Variants in ABCC6 observed in about 807,000 individuals in gnomAD.
ABCC6 encodes the protein ATP binding cassette subfamily C member 6, also known as ATP-binding cassette sub-family C member 6.
Under a neutral mutation model 169.5 loss-of-function variants are expected in ABCC6, and 126 were observed. The ratio of observed to expected loss-of-function variants is 0.74; its 90% confidence interval spans 0.64 to 0.86. The LOEUF (loss-of-function observed/expected upper bound fraction) is 0.86. Among genes scored for constraint, ABCC6 ranks in the 40% least tolerant of loss-of-function variants. ABCC6 has a pLI of 0.00. For missense variants in ABCC6, 1,733 were observed against 1,927.2 expected, an observed-to-expected ratio of 0.90 and a Z score of 1.89; for synonymous variants, 752 against 814.7, an observed-to-expected ratio of 0.92 and a Z score of 1.31.
At chr16:16,183,380 C>G (rs986504716) in intron 15 of ABCC6, among the ~76,000 whole-genome samples, 3 of 152,190 alleles carry the variant, frequency 2.0e-5, no homozygotes, top group Admixed American at 6.5e-5. Flanking sequence ...TCCTCCCTCC[C>G]TCCCGCTACT....
chr16:16,152,603 A>G lies in ABCC6; in HGVS notation c.4209-1831T>C, dbSNP rs183428207. On this transcript the variant is annotated intron_variant, in intron 29 of 30. Transcript: ENST00000205557. ...TGCCACTGTTTCAACAACTTTGTGCATATAATTCAATCCTTGCAAGGTAGG... is the reference window on the plus strand; with the variant it reads ...TGCCACTGTTTCAACAACTTTGTGCGTATAATTCAATCCTTGCAAGGTAGG... Among the ~76,000 whole-genome samples, 240 of 152,086 alleles carry G rather than the reference A, an allele frequency of 1.6e-3. 1 individual carries two copies. The highest frequency in any genetic ancestry group is 2.7e-3 in the Non-Finnish European group (184 of 67,984).
intron 27 of ABCC6, among the ~76,000 whole-genome samples, chr16:16,157,436 C>T (rs1033837404): frequency 1.3e-5 from 2 of 152,240 alleles, no homozygotes; most frequent in African/African-American, 4.8e-5. Flanking sequence ...AAGGAAGTCA[C>T]GGAGTTGCTT....
rs2049021696 is a variant in ABCC6 at position 16,219,982 on chromosome 16, A to G, written c.220-35T>C. 8 of 1,525,660 alleles carry G rather than the reference A, an allele frequency of 5.2e-6. No individual in the cohort carries two copies. The East Asian group carries it at 2.0e-4, about 37-fold the overall frequency. 94.5% of individuals were successfully genotyped at this position (1,525,660 alleles called of 1,614,324 possible). On this transcript the variant is annotated intron_variant, in intron 2 of 30. Transcript: ENST00000205557. ...CAGGCTTAGATAAGCTTGGGGGGCA[A>G]TAAGAGAGGTCACAGCAAACTGGTA...
intron 21 of ABCC6, among the ~76,000 whole-genome samples, chr16:16,171,919 G>GATGGATCGATAAATGAA (rs1459866434): frequency 4.9e-5 from 1 of 20,546 alleles, no homozygotes; most frequent in African/African-American, 1.8e-4. Context: ...GGGTGGGTGG[G>GATGGATCGATAAATGAA]TGGGTGGATA....
rs140644183 is a variant in ABCC6 at position 16,155,904 on chromosome 16, C to CTTTATTTATTTATTTATTTA, written c.3883-893_3883-874dup. On this transcript the variant is annotated intron_variant, in intron 27 of 30. Transcript: ENST00000205557. ...ATGTAATACAGTGTGATGAACAATG[C>CTTTATTTATTTATTTATTTA]TTTATTTATTTATTTATTTATTTAT... is the stretch of plus-strand genomic sequence containing the variant. The CTTTATTTATTTATTTATTTA allele has an allele frequency of 1.3e-4, 20 of 151,258 alleles. No homozygotes were observed. In the South Asian group the frequency reaches 2.1e-3, roughly 16 times the overall value. 9.4% of individuals were successfully genotyped at this position (151,258 alleles called of 1,614,324 possible).
chr16:16,185,507 G>A (rs957298741), intron 14 of ABCC6, among the ~76,000 whole-genome samples: 12 of 152,208 alleles, frequency 7.9e-5, no homozygotes, highest in Admixed American at 3.9e-4. Flanking sequence ...CACTGTGGCC[G>A]GCACAGTGTC....
At chr16:16,177,320 C>G in intron 19 of ABCC6, 132 bp downstream of exon 19, 1 of 1,019,766 alleles carries the variant, frequency 9.8e-7, no homozygotes, top group Non-Finnish European at 1.5e-6. Flanking sequence ...AGAGAGCTGT[C>G]TGCTTCCAGG....
chr16:16,178,888 C>T lies in ABCC6; in HGVS notation c.2325G>A (p.Leu775=). ...RAVYRKAAVY[L]LDDPLAALDA... ...CCAGGGCCGCCAGGGGGTCATCCAG[C>T]AGGTACACAGCTGCCTTTCTGTATA... Residue 775 remains leucine, a synonymous_variant, in exon 18 of 31, where the codon CTG becomes CTA. Transcript: ENST00000205557. 4 of 1,613,904 alleles carry T rather than the reference C, an allele frequency of 2.5e-6. No individual in the cohort carries two copies. Among genetic ancestry groups the T allele is most frequent in the Non-Finnish European group, 3.4e-6 (4 of 1,180,046 alleles).
At chr16:16,166,020 C>G in intron 22 of ABCC6, 87 bp from the exon 23 acceptor site, 2 of 1,347,856 alleles carry the variant, frequency 1.5e-6, no homozygotes, top group Non-Finnish European at 2.1e-6. Flanking sequence ...TCCCGCTACC[C>G]CATGGTGGAC....
chr16:16,165,715 C>G lies in ABCC6; in HGVS notation c.3214G>C (p.Gly1072Arg). 1 of 1,613,590 alleles carries G rather than the reference C, an allele frequency of 6.2e-7. No individual in the cohort carries two copies. The highest frequency in any genetic ancestry group is 8.5e-7 in the Non-Finnish European group (1 of 1,180,040). Residue 1072 changes from glycine (G) to arginine (R), a missense_variant, in exon 23 of 31, where the codon GGA becomes CGA. Gly to Arg is a moderately radical substitution (Grantham distance 125). Around this residue, in one of 5 missense-constraint regions of ABCC6, gnomAD observed 1,601 missense variants for 1,635.5 expected, o/e 0.98. Transcript: ENST00000205557. ...KLRSLLMYAFGLLEVSLVVAV... is the reference protein window; with the variant it reads ...KLRSLLMYAFRLLEVSLVVAV... ...ACCACCAGGCTGACCTCCAGGAGTCCAAAGGCGTACATCAGCAGGGACCGG... is the reference window on the plus strand; with the variant it reads ...ACCACCAGGCTGACCTCCAGGAGTCGAAAGGCGTACATCAGCAGGGACCGG...
intron 6 of ABCC6, among the ~76,000 whole-genome samples, chr16:16,211,142 C>G (rs1315703660): frequency 6.6e-6 from 1 of 151,780 alleles, no homozygotes; most frequent in Admixed American, 6.6e-5. Flanking sequence ...TGGGTCACAC[C>G]TGTAATCCCA....
chr16:16,204,856 A>G (rs1016584550), intron 7 of ABCC6, among the ~76,000 whole-genome samples: 4 of 142,464 alleles, frequency 2.8e-5, no homozygotes, highest in African/African-American at 1.1e-4. Context: ...TTTTTTTGAG[A>G]CAGAGTTTCG....
chr16:16,187,140 T>TGA lies in ABCC6; in HGVS notation c.1849_1850dup (p.Ser618GlnfsTer33). The TGA allele has an allele frequency of 6.2e-7, 1 of 1,613,572 alleles. No individual in the cohort carries two copies. The highest frequency in any genetic ancestry group is 8.5e-7 in the Non-Finnish European group (1 of 1,179,706). On this transcript the variant is annotated frameshift_variant, in exon 14 of 31. Transcript: ENST00000205557. LOFTEE classifies it high-confidence loss of function. ...AGCACTCACCGCTTCCAGAGGAACT[T>TGA]GAGTCTACGACACCAGGGTCAACTT... is the stretch of plus-strand genomic sequence containing the variant.
At position 16,178,914 on chromosome 16, in the gene ABCC6, C is replaced by T. The variant is rs538408828; in HGVS notation, c.2299G>A (p.Val767Ile). The change falls in exon 18 of 31, where the codon GTA becomes ATA. Residue 767 changes from valine to isoleucine, a missense_variant. Coordinates refer to ENST00000205557, the MANE Select transcript of ABCC6 (RefSeq NM_001171.6). The stretch of plus-strand genomic sequence containing the variant: ...AGGTACACAGCTGCCTTTCTGTATA[C>T]AGCCCGGGCCAGGCTCAGCCGCTGC... The part of the protein sequence containing the change: ...QKQRLSLARA[V>I]YRKAAVYLLD... 8 of 1,613,614 alleles carry T rather than the reference C, an allele frequency of 5.0e-6. No individual in the cohort carries two copies. The highest frequency in any genetic ancestry group is 4.4e-5 in the South Asian group (4 of 91,074).
At chr16:16,201,069 C>T (rs187809493) in intron 9 of ABCC6, among the ~76,000 whole-genome samples, 149 of 152,256 alleles carry the variant, frequency 9.8e-4, no homozygotes, top group African/African-American at 3.3e-3. Flanking sequence ...CGGGTTCAAG[C>T]GATTCTCCTG....
intron 14 of ABCC6, among the ~76,000 whole-genome samples, chr16:16,185,441 A>T (rs2047622327): frequency 6.6e-6 from 1 of 152,212 alleles, no homozygotes; most frequent in South Asian, 2.1e-4. Context: ...TGAATTTCTG[A>T]AATAAATTAT....
chr16:16,173,470 C>A, intron 20 of ABCC6, 66 bp from the exon 21 acceptor site: 2 of 1,603,358 alleles, frequency 1.2e-6, no homozygotes, highest in Non-Finnish European at 1.7e-6. Flanking sequence ...ATGTGCCTAA[C>A]CCTCAGGCCC....
intron 12 of ABCC6, 45 bp downstream of exon 12, chr16:16,190,119 C>G (rs1244960860): frequency 3.7e-6 from 6 of 1,607,884 alleles, no homozygotes; most frequent in East Asian, 2.2e-5. Flanking sequence ...CACCCCCGCA[C>G]TCCTTCCCCA....
chr16:16,154,799 C>A lies in ABCC6; in HGVS notation c.4042-5G>T. On this transcript the variant is annotated splice_region_variant and splice_polypyrimidine_tract_variant and intron_variant, in intron 28 of 30. Transcript: ENST00000205557. ...GCCAGGGAACAGGATGGGGTCCTGGCGGGGAGGGGCGGTGGGTCAGAGCCG... is the reference window on the plus strand; with the variant it reads ...GCCAGGGAACAGGATGGGGTCCTGGAGGGGAGGGGCGGTGGGTCAGAGCCG... 1 of 1,608,172 alleles carries A rather than the reference C, an allele frequency of 6.2e-7. No individual in the cohort carries two copies. Among genetic ancestry groups the A allele is most frequent in the Non-Finnish European group, 8.5e-7 (1 of 1,177,480 alleles).
Sources: gnomAD v4.1 joint callset for allele counts (sites outside exome capture counted in the v4.1 genomes callset) on GRCh38, gnomAD v4.1.1 for gene constraint, gnomAD v4.1.1 regional missense constraint, MANE v1.5 for transcripts, NCBI Gene and HGNC (gene_info 2026-07-23, HGNC 2026-07-21) for gene names.